SCN9A: variants seen among roughly 807,000 people sequenced by gnomAD.
SCN9A encodes the protein sodium voltage-gated channel alpha subunit 9, also known as sodium channel protein type 9 subunit alpha.
SCN9A carries 131 observed loss-of-function variants against 187.0 expected under a neutral mutation model. The observed-to-expected ratio is 0.70, with a 90% CI of 0.61 to 0.81. The LOEUF is 0.81. SCN9A is among the 30% of genes least tolerant of loss of function. The probability of loss-of-function intolerance (pLI) is 0.00; values close to 1 mark genes in which losing one functional copy is unlikely to be tolerated. For missense variants in SCN9A, 2,252 were observed against 2,396.6 expected (o/e 0.94, Z 1.26); for synonymous variants, 809 against 808.6 (o/e 1.00, Z -0.01).
chr2:166,329,381 T>C (rs530849811), intron 1 of SCN9A, among the ~76,000 whole-genome samples: 1 of 152,290 alleles, frequency 6.6e-6, no homozygotes, highest in Admixed American at 6.5e-5. Flanking sequence ...ATTCCTTTAA[T>C]AGGTTCATTT....
rs201318927 is a variant in SCN9A at position 166,284,634 on chromosome 2, C to T, written c.1793G>A (p.Arg598His). 6.9e-5 allele frequency: 112 copies of T among 1,613,990 alleles called. No individual in the cohort carries two copies. Among genetic ancestry groups the T allele is most frequent in the South Asian group, 3.7e-4 (34 of 91,084 alleles). ...LFVPHRPQER[R>H]SSNISQASRS... ...ACTGGCTTGGCTGATGTTACTGCTG[C>T]GTCGCTCCTGGGGTCTGTGGGGCAC... Residue 598 changes from arginine (R) to histidine (H), a missense_variant, in exon 12 of 27, where the codon CGC becomes CAC. Around this residue, in one of 7 missense-constraint regions of SCN9A, gnomAD observed 1,013 missense variants for 997.4 expected, o/e 1.02. Transcript: ENST00000642356.
At chr2:166,329,721 C>T (rs1461938945) in intron 1 of SCN9A, among the ~76,000 whole-genome samples, 3 of 152,142 alleles carry the variant, frequency 2.0e-5, no homozygotes, top group Non-Finnish European at 4.4e-5. Context: ...AATTACAACA[C>T]ACCTACTATA....
intron 24 of SCN9A, among the ~76,000 whole-genome samples, chr2:166,222,608 C>CA (rs1407592066): frequency 7.0e-6 from 1 of 142,930 alleles, no homozygotes; most frequent in Non-Finnish European, 1.5e-5. Flanking sequence ...AGCCTGGTGA[C>CA]AGAGTGAGAC....
chr2:166,310,339 C>T lies in SCN9A; in HGVS notation c.258+1160G>A, dbSNP rs1185228753. Among the ~76,000 whole-genome samples the T allele has an allele frequency of 7.2e-5, 6 of 82,792 alleles. 3 individuals are homozygous for T. The highest frequency in any genetic ancestry group is 1.3e-4 in the African/African-American group (2 of 15,558). 54.3% of individuals were successfully genotyped at this position (82,792 alleles called of 152,430 possible). A position where few individuals can be genotyped will look rare whatever the true frequency, so the allele number is the denominator to read the frequency against. On this transcript the variant is annotated intron_variant, in intron 2 of 26. Transcript: ENST00000642356. ...AACCTACAAAATGGGAGACAATTTT[C>T]GCAACCTACTCATCTGACAAAAGGC...
chr2:166,303,513 A>G (rs971531603), intron 6 of SCN9A, among the ~76,000 whole-genome samples: 1 of 152,134 alleles, frequency 6.6e-6, no homozygotes, highest in Non-Finnish European at 1.5e-5. Flanking sequence ...ATTCTCAAAG[A>G]ATACCTAGGT....
intron 20 of SCN9A, among the ~76,000 whole-genome samples, chr2:166,237,486 A>C (rs1695369028): frequency 6.6e-6 from 1 of 152,148 alleles, no homozygotes; most frequent in African/African-American, 2.4e-5. Context: ...CTGGAGATGA[A>C]GGGCAAGTCG....
chr2:166,272,947 AC>A, intron 16 of SCN9A, 72 bp from the exon 17 acceptor site: 1 of 726,324 alleles, frequency 1.4e-6, no homozygotes, highest in East Asian at 3.0e-5. Context: ...TAAAATAAGT[AC>A]ACTTTTCCGA....
chr2:166,238,499 T>G (rs905237304), intron 19 of SCN9A, among the ~76,000 whole-genome samples: 5 of 152,138 alleles, frequency 3.3e-5, no homozygotes, highest in African/African-American at 9.7e-5. Context: ...AGAATGAAAT[T>G]ACTTATAATC....
chr2:166,280,862 C>G (rs1022207415), intron 13 of SCN9A, among the ~76,000 whole-genome samples: 1 of 152,114 alleles, frequency 6.6e-6, no homozygotes, highest in African/African-American at 2.4e-5. Flanking sequence ...AAAAATGCAC[C>G]TAACATGTGA....
chr2:166,365,709 A>T (rs1015208494), intron 1 of SCN9A, among the ~76,000 whole-genome samples: 1 of 152,174 alleles, frequency 6.6e-6, no homozygotes, highest in Non-Finnish European at 1.5e-5. Flanking sequence ...GTCTCTACTC[A>T]AATACCCTGT....
intron 21 of SCN9A, among the ~76,000 whole-genome samples, chr2:166,232,814 C>CA (rs199777548): frequency 0.021 from 3,058 of 146,792 alleles, 114 homozygotes; most frequent in African/African-American, 0.073. Flanking sequence ...AATATATATA[C>CA]TATACTATAT....
In SCN9A at chr2:166,304,305, T is replaced by C. The variant is rs1204305493; in HGVS notation, c.621A>G (p.Leu207=). The C allele has an allele frequency of 6.2e-7, 1 of 1,613,196 alleles. No individual in the cohort carries two copies. The highest frequency in any genetic ancestry group is 1.1e-5 in the South Asian group (1 of 91,062). The part of the protein sequence containing the change: ...VFAYLTEFVN[L]GNVSALRTFR... ...AAGTTCGAAGAGCTGAAACATTGCC[T>C]AGGTTTACAAATTCTGTTAAATACC... The change falls in exon 6 of 27, where the codon CTA becomes CTG. Residue 207 remains leucine (L), a synonymous_variant. Coordinates refer to ENST00000642356, the MANE Select transcript of SCN9A (RefSeq NM_001365536.1).
At chr2:166,303,016 A>G in intron 7 of SCN9A, 74 bp downstream of exon 7, 1 of 1,123,220 alleles carries the variant, frequency 8.9e-7, no homozygotes, top group South Asian at 1.4e-5. Flanking sequence ...AATGAAAGCA[A>G]CATTTCATTA....
At chr2:166,353,503 G>A (rs1370414816) in intron 1 of SCN9A, among the ~76,000 whole-genome samples, 3 of 152,112 alleles carry the variant, frequency 2.0e-5, no homozygotes, top group African/African-American at 7.2e-5. Flanking sequence ...CCTATTTGCA[G>A]TCTACATTCC....
At chr2:166,331,584 A>G (rs1021977503) in intron 1 of SCN9A, among the ~76,000 whole-genome samples, 5 of 152,226 alleles carry the variant, frequency 3.3e-5, no homozygotes, top group African/African-American at 1.2e-4. Flanking sequence ...TGAGCAAGAC[A>G]TCCTAATATT....
In SCN9A at chr2:166,199,596, A is replaced by G; in HGVS notation, c.5043T>C (p.Phe1681=). The G allele has an allele frequency of 6.2e-7, 1 of 1,614,218 alleles. No homozygotes were observed. The highest frequency in any genetic ancestry group is 1.1e-5 in the South Asian group (1 of 91,084). ...KEDGINDMFN[F]ETFGNSMICL... ...AAATCATACTGTTGCCAAAGGTCTCAAAATTGAACATGTCATTAATTCCAT... is the reference window on the plus strand; with the variant it reads ...AAATCATACTGTTGCCAAAGGTCTCGAAATTGAACATGTCATTAATTCCAT... Residue 1681 remains phenylalanine (F), a synonymous_variant, in exon 27 of 27, where the codon TTT becomes TTC. Coordinates refer to ENST00000642356, the MANE Select transcript of SCN9A (RefSeq NM_001365536.1).
intron 17 of SCN9A, chr2:166,259,097 A>G (rs376901014): frequency 1.3e-5 from 2 of 151,784 alleles, no homozygotes; most frequent in Non-Finnish European, 2.9e-5. Context: ...TCTATTGAAC[A>G]ACTGTATATG....
intron 21 of SCN9A, among the ~76,000 whole-genome samples, chr2:166,231,739 G>T (rs988252349): frequency 6.6e-6 from 1 of 151,680 alleles, no homozygotes; most frequent in African/African-American, 2.4e-5. Flanking sequence ...TTTTAGTAGA[G>T]ATGGGGTTTC....
intron 1 of SCN9A, among the ~76,000 whole-genome samples, chr2:166,333,521 G>T (rs1559047044): frequency 6.6e-6 from 1 of 152,022 alleles, no homozygotes; most frequent in Non-Finnish European, 1.5e-5. Flanking sequence ...CCAGCTTATT[G>T]AACATGTTCA....
Sources: allele counts gnomAD v4.1 joint callset (sites outside exome capture counted in the v4.1 genomes callset), GRCh38; gene constraint gnomAD v4.1.1; regional missense constraint gnomAD v4.1.1; transcripts MANE v1.5; gene names NCBI Gene and HGNC (gene_info 2026-07-23, HGNC 2026-07-21).